Variants in SUPT7L observed in about 807,000 individuals in gnomAD.
The protein encoded by SUPT7L is STAGA complex 65 subunit gamma.
In SUPT7L, 15 loss-of-function variants were observed where a neutral mutation model predicts 35.7. That is an observed-to-expected ratio of 0.42 (90% CI 0.28 to 0.65). The LOEUF is 0.65. Among genes scored for constraint, SUPT7L ranks in the 30% least tolerant of loss-of-function variants. The pLI, the probability that SUPT7L is intolerant of heterozygous loss-of-function variation, is 0.23. For missense variants in SUPT7L, 434 were observed against 522.2 expected, an observed-to-expected ratio of 0.83 and a Z score of 1.65; for synonymous variants, 168 against 186.2, an observed-to-expected ratio of 0.90 and a Z score of 0.79.
At chr2:27,650,455 T>TA, downstream of SUPT7L, 1 of 253,826 alleles carries the variant, frequency 3.9e-6, no homozygotes, top group South Asian at 8.4e-5. Flanking sequence ...ACTGAGCTGA[T>TA]ACTCTTCCAA....
intron 5 of SUPT7L, 94 bp from the exon 6 acceptor site, chr2:27,653,841 T>C (rs979688562): frequency 2.8e-6 from 4 of 1,446,608 alleles, no homozygotes; most frequent in Non-Finnish European, 3.8e-6. Flanking sequence ...CCAACTAATA[T>C]GCTTTGAGCT....
At chr2:27,648,131 G>A (rs183200363), downstream of SUPT7L, among the ~76,000 whole-genome samples, 14 of 152,338 alleles carry the variant, frequency 9.2e-5, no homozygotes, top group Admixed American at 7.8e-4. Flanking sequence ...GCTGATTACA[G>A]GCCTTTCGTT....
chr2:27,653,001 T>C lies in SUPT7L; in HGVS notation c.*484A>G. ...TTGTGTTTAGCTATTTCCTGTTAGGTATTAGTAATGGGTTCCCAATGACCT... is the reference window on the plus strand; with the variant it reads ...TTGTGTTTAGCTATTTCCTGTTAGGCATTAGTAATGGGTTCCCAATGACCT... On this transcript the variant is annotated 3_prime_UTR_variant, in exon 6 of 6. Coordinates refer to ENST00000337768, the MANE Select transcript of SUPT7L (RefSeq NM_014860.3). 6.2e-6 allele frequency: 1 copy of C among 162,018 alleles called. No homozygotes were observed. The highest frequency in any genetic ancestry group is 1.6e-4 in the South Asian group (1 of 6,172). The allele number at this position is 162,018 out of a possible 1,614,324, so 10.0% of individuals were successfully genotyped here.
chr2:27,653,312 T>G lies in SUPT7L; in HGVS notation c.*173A>C, dbSNP rs1053307608. The G allele has an allele frequency of 7.7e-6, 7 of 911,126 alleles. No homozygotes were observed. The highest frequency in any genetic ancestry group is 9.7e-6 in the Non-Finnish European group (6 of 621,062). 56.4% of individuals were successfully genotyped at this position (911,126 alleles called of 1,614,324 possible). ...GTTGTGGAAAACTATAAAAACTGGA[T>G]GCAAAAGTAAAATGCAACCTTGTTT... On this transcript the variant is annotated 3_prime_UTR_variant, in exon 6 of 6. Transcript: ENST00000337768.
At position 27,655,543 on chromosome 2, in the gene SUPT7L, C is replaced by T. The variant is rs913896910; in HGVS notation, c.804G>A (p.Glu268=). Reference sequence around the variant, plus strand: ...CCTTGATCTTCACAGGTTTAGCGTCCTCTGTGGCCTTCTCAGGATTGACAA... The same window carrying T: ...CCTTGATCTTCACAGGTTTAGCGTCTTCTGTGGCCTTCTCAGGATTGACAA... ...ERIVNPEKAT[E]DAKPVKIKEE... Residue 268 remains glutamate, a synonymous_variant, in exon 5 of 6, where the codon GAG becomes GAA. Coordinates refer to ENST00000337768, the MANE Select transcript of SUPT7L (RefSeq NM_014860.3). The T allele has an allele frequency of 6.2e-7, 1 of 1,613,434 alleles. No individual in the cohort carries two copies. The highest frequency in any genetic ancestry group is 1.3e-5 in the African/African-American group (1 of 74,882).
chr2:27,661,231 C>G lies in SUPT7L; in HGVS notation c.172G>C (p.Glu58Gln). 1 of 1,613,774 alleles carries G rather than the reference C, an allele frequency of 6.2e-7. No homozygotes were observed. Among genetic ancestry groups the G allele is most frequent in the South Asian group, 1.1e-5 (1 of 91,060 alleles). ...GTATGGATGGTGAGACTACATGGCT[C>G]TGAGGGGATGTCCAGCATAGTGGGG... ...KPPTMLDIPS[E>Q]PCSLTIHTIQ... is the part of the protein sequence containing the mutation. The change falls in exon 3 of 6, where the codon GAG (glutamate) becomes CAG (glutamine). Residue 58 changes from glutamate to glutamine, a missense_variant. Physicochemically the swap from Glu to Gln is conservative, Grantham distance 29 (BLOSUM62 2). Transcript: ENST00000337768.
At position 27,657,468 on chromosome 2, in the gene SUPT7L, C is replaced by T. The variant is rs1231859142; in HGVS notation, c.621G>A (p.Leu207=). 3 of 1,614,116 alleles carry T rather than the reference C, an allele frequency of 1.9e-6. No individual in the cohort carries two copies. The highest frequency in any genetic ancestry group is 1.6e-4 in the Middle Eastern group (1 of 6,084). Residue 207 remains leucine, a synonymous_variant, in exon 4 of 6, where the codon CTG becomes CTA. Coordinates refer to ENST00000337768, the MANE Select transcript of SUPT7L (RefSeq NM_014860.3). The surrounding 1 kb of genome is among the most constrained non-coding windows in gnomAD (Gnocchi z 5.2). ...LRFAVDREAR[L]GQTPFPDVME... ...TCACATCAGGAAAAGGAGTCTGTCC[C>T]AGCCGGGCCTCCCGGTCCACAGCAA...
At chr2:27,647,311 T>C (rs1218932943), downstream of SUPT7L, among the ~76,000 whole-genome samples, 1 of 152,204 alleles carries the variant, frequency 6.6e-6, no homozygotes. Flanking sequence ...AATAGGGAAT[T>C]TTACTTCTAT....
rs1426980011 is a variant in SUPT7L at position 27,651,792 on chromosome 2, C to G, written c.*1693G>C. ...AATGAACTAAATTCCCATACGGCCA[C>G]TTTATGGAAACTAACTGCCTAATCG... On this transcript the variant is annotated 3_prime_UTR_variant, in exon 6 of 6. Coordinates refer to ENST00000337768, the MANE Select transcript of SUPT7L (RefSeq NM_014860.3). 6.6e-6 allele frequency: 1 copy of G among 152,198 alleles called. No homozygotes were observed. The highest frequency in any genetic ancestry group is 1.9e-4 in the East Asian group (1 of 5,198). 9.4% of individuals were successfully genotyped at this position (152,198 alleles called of 1,614,324 possible). A position where few individuals can be genotyped will look rare whatever the true frequency, so the allele number is the denominator to read the frequency against.
At chr2:27,650,407 C>G (rs908598271), downstream of SUPT7L, 6 of 378,176 alleles carry the variant, frequency 1.6e-5, no homozygotes, top group Non-Finnish European at 2.4e-5. Flanking sequence ...GCTGATTATT[C>G]CTTGGCCTTT....
rs147739348 is a variant in SUPT7L at position 27,661,032 on chromosome 2, T to C, written c.371A>G (p.Asn124Ser). 8.1e-6 allele frequency: 13 copies of C among 1,614,006 alleles called. No homozygotes were observed. Among genetic ancestry groups the C allele is most frequent in the Middle Eastern group, 1.6e-4 (1 of 6,084 alleles). The part of the protein sequence containing the change: ...DLLPLDCKNP[N>S]APFQIRHSDP... ...ACTGTGCCGGATCTGGAATGGTGCA[T>C]TGGGATTCTTACAATCTAAAGGCAG... The change falls in exon 3 of 6, where the codon AAT becomes AGT. Residue 124 changes from asparagine to serine, a missense_variant. Asn to Ser is a conservative substitution (Grantham distance 46, BLOSUM62 1). This residue lies in a region of SUPT7L where 198 missense variants were observed against 190.8 expected (regional missense o/e 1.04). Coordinates refer to ENST00000337768, the MANE Select transcript of SUPT7L (RefSeq NM_014860.3).
chr2:27,656,108 T>C (rs951259090), intron 4 of SUPT7L, among the ~76,000 whole-genome samples: 21 of 151,646 alleles, frequency 1.4e-4, no homozygotes, highest in African/African-American at 4.6e-4. Context: ...TCGCTTGTAG[T>C]GAGCTGTGAT....
chr2:27,657,624 C>T lies in SUPT7L; in HGVS notation c.465G>A (p.Arg155=), dbSNP rs368948442. ...PVTELSWHSC[R]QLLYQAVATI... is the part of the protein sequence containing the mutation. ...TGGCCACTGCCTGGTAGAGGAGCTG[C>T]CGACAGGAGTGCCAGCTGAGTTCAG... Residue 155 remains arginine, a synonymous_variant, in exon 4 of 6, where the codon CGG becomes CGA. Coordinates refer to ENST00000337768, the MANE Select transcript of SUPT7L (RefSeq NM_014860.3). This position sits in a 1 kb window ranked among gnomAD's most constrained non-coding sequence, Gnocchi z 5.2. The T allele has an allele frequency of 2.7e-5, 44 of 1,614,002 alleles. No individual in the cohort carries two copies. The highest frequency in any genetic ancestry group is 3.3e-5 in the Admixed American group (2 of 60,008).
chr2:27,654,443 C>T, intron 5 of SUPT7L, among the ~76,000 whole-genome samples: 1 of 152,198 alleles, frequency 6.6e-6, no homozygotes, highest in East Asian at 1.9e-4. Flanking sequence ...ACAATTTATA[C>T]TTGTAAACAA....
intron 1 of SUPT7L, 24 bp from the exon 2 acceptor site, chr2:27,662,305 A>G (rs1675149505): frequency 8.4e-7 from 1 of 1,186,342 alleles, no homozygotes; most frequent in African/African-American, 1.5e-5. Flanking sequence ...GAGAAACAGA[A>G]GCAGAATATT....
At position 27,653,639 on chromosome 2, in the gene SUPT7L, A is replaced by T; in HGVS notation, c.1091T>A (p.Val364Asp). ...CATGCCTGACATAGGCTCCTCGAAG[A>T]CATCACTGCCCAGCACACCATGCCC... Reference protein sequence around the residue: ...VSGHGVLGSDVFEEPMSGMSE... With the variant: ...VSGHGVLGSDDFEEPMSGMSE... The change falls in exon 6 of 6, where the codon GTC becomes GAC. Residue 364 changes from valine to aspartate, a missense_variant. Val to Asp is a radical substitution (Grantham distance 152, BLOSUM62 -3). This residue lies in a region of SUPT7L where 159 missense variants were observed against 217.1 expected (regional missense o/e 0.73). Coordinates refer to ENST00000337768, the MANE Select transcript of SUPT7L (RefSeq NM_014860.3). The T allele has an allele frequency of 6.2e-7, 1 of 1,614,208 alleles. No homozygotes were observed. Among genetic ancestry groups the T allele is most frequent in the Non-Finnish European group, 8.5e-7 (1 of 1,180,040 alleles).
At chr2:27,643,105 T>G in the SUPT7L span, among the ~76,000 whole-genome samples, 6 of 151,614 alleles carry the variant, frequency 4.0e-5, no homozygotes, top group African/African-American at 1.2e-4. The surrounding 1 kb of genome is among the most constrained non-coding windows in gnomAD (Gnocchi z 4.0). Context: ...TTTGCTTTAC[T>G]TTGGCAATAT....
Position 27,662,240 on chromosome 2 carries a change from C to T in SUPT7L, c.-48G>A. The T allele has an allele frequency of 6.2e-7, 1 of 1,601,572 alleles. No individual in the cohort carries two copies. The highest frequency in any genetic ancestry group is 8.6e-7 in the Non-Finnish European group (1 of 1,168,550). ...CAACAAACATTTATCAAATGCCAGG[C>T]ATTCTGTGTCGGTCAAAGACTGATA... On this transcript the variant is annotated 5_prime_UTR_variant, in exon 2 of 6. An upstream start codon of the reference 5' UTR is lost. Coordinates refer to ENST00000337768, the MANE Select transcript of SUPT7L (RefSeq NM_014860.3).
rs960536026 is a variant in SUPT7L, at chr2:27,651,108, T to G, written c.*2377A>C. The G allele has an allele frequency of 6.6e-6, 1 of 152,394 alleles. No individual in the cohort carries two copies. Among genetic ancestry groups the G allele is most frequent in the African/African-American group, 2.4e-5 (1 of 41,468 alleles). The allele number at this position is 152,394 out of a possible 1,614,324, so 9.4% of individuals were successfully genotyped here. On this transcript the variant is annotated 3_prime_UTR_variant, in exon 6 of 6. Transcript: ENST00000337768. Reference sequence around the variant, plus strand: ...CGTGGATTTGGGTCAGAGGCACATTTCATACATAACAGCCCTTATAAACGT... The same window carrying G: ...CGTGGATTTGGGTCAGAGGCACATTGCATACATAACAGCCCTTATAAACGT...
Sources: allele counts gnomAD v4.1 joint callset (sites outside exome capture counted in the v4.1 genomes callset), GRCh38; gene constraint gnomAD v4.1.1; regional missense constraint gnomAD v4.1.1; non-coding constraint Gnocchi (gnomAD v3.1); transcripts MANE v1.5; gene names NCBI Gene and HGNC (gene_info 2026-07-23, HGNC 2026-07-21).